Variants in ATP2B1 observed in about 807,000 individuals in gnomAD.
ATP2B1 encodes the protein ATPase plasma membrane Ca2+ transporting 1.
A neutral mutation model predicts 124.2 loss-of-function variants in ATP2B1; 14 were observed. The observed-to-expected ratio is 0.11, with a 90% confidence interval of 0.07 to 0.18. ATP2B1 has a LOEUF of 0.18. Ranked by LOEUF, ATP2B1 falls within the 10% of genes least tolerant of loss-of-function variation. ATP2B1 has a pLI of 1.00. For synonymous variants in ATP2B1, 449 were observed against 492.4 expected (o/e 0.91, Z 1.17); for missense variants, 763 against 1,466.1 (o/e 0.52, Z 7.83).
intron 13 of ATP2B1, chr12:89,610,710 G>C (rs1317591355): frequency 1.9e-6 from 1 of 513,438 alleles, no homozygotes; most frequent in Non-Finnish European, 3.4e-6. Context: ...CCAGCAATCT[G>C]TGTTTTAATA....
chr12:89,610,534 T>C (rs1305684759), intron 13 of ATP2B1, 26 bp from the exon 14 acceptor site: 2 of 1,571,886 alleles, frequency 1.3e-6, no homozygotes, highest in East Asian at 4.5e-5. Flanking sequence ...AAAGTTAAAA[T>C]ATGCCCAAAC....
At chr12:89,688,283 G>A (rs561097171) in intron 1 of ATP2B1, among the ~76,000 whole-genome samples, 1 of 152,110 alleles carries the variant, frequency 6.6e-6, no homozygotes, top group African/African-American at 2.4e-5. Flanking sequence ...GAGGATAACT[G>A]AGTGAACTAT....
chr12:89,681,467 G>A (rs575058936), intron 1 of ATP2B1, among the ~76,000 whole-genome samples: 23 of 147,718 alleles, frequency 1.6e-4, no homozygotes, highest in African/African-American at 5.0e-4. Context: ...TGCAACCTCC[G>A]CCTCCCAGAC....
At chr12:89,679,789 A>T (rs1313094288) in intron 1 of ATP2B1, among the ~76,000 whole-genome samples, 1 of 152,166 alleles carries the variant, frequency 6.6e-6, no homozygotes, top group African/African-American at 2.4e-5. Context: ...AGTCCAACAC[A>T]CACTGACAAA....
intron 1 of ATP2B1, among the ~76,000 whole-genome samples, chr12:89,663,149 G>A (rs1031679434): frequency 5.3e-5 from 8 of 152,150 alleles, no homozygotes; most frequent in Non-Finnish European, 1.2e-4. Context: ...TTAAATAGCA[G>A]AGCTAAACAA....
chr12:89,645,645 A>G (rs1884332901), intron 2 of ATP2B1, among the ~76,000 whole-genome samples: 1 of 152,166 alleles, frequency 6.6e-6, no homozygotes, highest in South Asian at 2.1e-4. Context: ...GCAAATACAA[A>G]GGCCCAGAGA....
chr12:89,659,916 A>G (rs1367328640), intron 1 of ATP2B1, among the ~76,000 whole-genome samples: 4 of 138,408 alleles, frequency 2.9e-5, no homozygotes, highest in Admixed American at 7.1e-5. Flanking sequence ...AGCGAGACTC[A>G]AAAAAAAAAA....
intron 1 of ATP2B1, among the ~76,000 whole-genome samples, chr12:89,707,466 T>C (rs1336583727): frequency 6.6e-6 from 1 of 151,632 alleles, no homozygotes; most frequent in African/African-American, 2.4e-5. Context: ...ATGAAAAAAA[T>C]CTATGTAGCT....
At chr12:89,611,143 A>C (rs1263296449) in intron 13 of ATP2B1, 50 bp downstream of exon 13, 1 of 1,472,460 alleles carries the variant, frequency 6.8e-7, no homozygotes, top group Non-Finnish European at 9.1e-7. Flanking sequence ...TTAAATTCCT[A>C]ATATATTAAA....
chr12:89,591,246 T>G lies in ATP2B1; in HGVS notation c.3401A>C (p.Lys1134Thr). 1 of 1,612,790 alleles carries G rather than the reference T, an allele frequency of 6.2e-7. No homozygotes were observed. Among genetic ancestry groups the G allele is most frequent in the Non-Finnish European group, 8.5e-7 (1 of 1,179,164 alleles). Residue 1134 changes from lysine to threonine, a missense_variant, in exon 21 of 21, where the codon AAA (lysine) becomes ACA (threonine). Lys to Thr is a moderately conservative substitution (Grantham distance 78). Around this residue, in one of 7 missense-constraint regions of ATP2B1, gnomAD observed 12 missense variants for 32.0 expected, o/e 0.38. Transcript: ENST00000428670. ...GTGAATCGAACTTCTTGATTCCGGT[T>G]TTTCTAACCCTTCATATAAAGAACT... ...FRSSLYEGLE[K>T]PESRSSIHNF...
chr12:89,589,780 C>CT lies in ATP2B1; in HGVS notation c.*1203dup, dbSNP rs1294962201. The CT allele has an allele frequency of 2.6e-5, 4 of 151,974 alleles. No individual in the cohort carries two copies. Among genetic ancestry groups the CT allele is most frequent in the African/African-American group, 4.8e-5 (2 of 41,376 alleles). 9.4% of individuals were successfully genotyped at this position (151,974 alleles called of 1,614,324 possible). A position where few individuals can be genotyped will look rare whatever the true frequency, so the allele number is the denominator to read the frequency against. On this transcript the variant is annotated 3_prime_UTR_variant, in exon 21 of 21. Transcript: ENST00000428670. ...GAACTGAGTAAAGAAGCTGAAATGT[C>CT]TTTTAAAAAAACATTGCCATGAATT...
At chr12:89,621,928 T>C in intron 9 of ATP2B1, 137 bp from the exon 10 acceptor site, 1 of 948,452 alleles carries the variant, frequency 1.1e-6, no homozygotes, top group Non-Finnish European at 1.4e-6. Flanking sequence ...AGTACCAATG[T>C]AATACTGAAA....
chr12:89,624,065 G>A (rs560147229), intron 9 of ATP2B1, 118 bp downstream of exon 9: 10 of 855,632 alleles, frequency 1.2e-5, no homozygotes, highest in African/African-American at 6.8e-5. Context: ...AGAAAATAGT[G>A]TACATTTATA....
At chr12:89,691,423 ACACTTATTTATT>A (rs1890545337) in intron 1 of ATP2B1, among the ~76,000 whole-genome samples, 1 of 152,136 alleles carries the variant, frequency 6.6e-6, no homozygotes, top group African/African-American at 2.4e-5. Flanking sequence ...CATGTCAAAA[ACACTTATTTATT>A]CACCAGAATT....
intron 1 of ATP2B1, among the ~76,000 whole-genome samples, chr12:89,699,985 C>T (rs1891637118): frequency 6.6e-6 from 1 of 151,036 alleles, no homozygotes; most frequent in East Asian, 1.9e-4. Flanking sequence ...GCTAGGACTA[C>T]AGGTACACGA....
At chr12:89,644,123 G>GA (rs1417285681) in intron 2 of ATP2B1, among the ~76,000 whole-genome samples, 2 of 151,140 alleles carry the variant, frequency 1.3e-5, no homozygotes, top group Admixed American at 6.6e-5. Context: ...CTCTGTTTCC[G>GA]AAAAAAAAGA....
chr12:89,664,052 T>C (rs192374346), intron 1 of ATP2B1, among the ~76,000 whole-genome samples: 1 of 152,338 alleles, frequency 6.6e-6, no homozygotes, highest in Non-Finnish European at 1.5e-5. Context: ...TTATTTTGTT[T>C]CTCTCATATT....
intron 5 of ATP2B1, among the ~76,000 whole-genome samples, chr12:89,633,318 ATATTT>A (rs1882177380): frequency 6.6e-6 from 1 of 151,764 alleles, no homozygotes; most frequent in Admixed American, 6.6e-5. Context: ...TATTATTATT[ATATTT>A]TAAGTTTTAG....
chr12:89,659,795 C>T (rs1193743347), intron 1 of ATP2B1, among the ~76,000 whole-genome samples: 2 of 151,496 alleles, frequency 1.3e-5, no homozygotes, highest in African/African-American at 2.4e-5. Context: ...TGGTGGCAGG[C>T]GCCTGTAGTC....
Sources: gnomAD v4.1 joint callset for allele counts (sites outside exome capture counted in the v4.1 genomes callset) on GRCh38, gnomAD v4.1.1 for gene constraint, gnomAD v4.1.1 regional missense constraint, MANE v1.5 for transcripts, NCBI Gene and HGNC (gene_info 2026-07-23, HGNC 2026-07-21) for gene names.